BMPR1B: variants seen among roughly 807,000 people sequenced by gnomAD.
BMPR1B encodes the protein bone morphogenetic protein receptor type-1B.
Under a neutral mutation model 59.1 loss-of-function variants are expected in BMPR1B, and 12 were observed. The observed-to-expected ratio is 0.20, with a 90% CI of 0.13 to 0.33. The LOEUF (loss-of-function observed/expected upper bound fraction) is 0.33, where lower values mean the gene tolerates loss of function less well. Ranked by LOEUF, BMPR1B falls within the 10% of genes least tolerant of loss-of-function variation. The pLI, the probability that BMPR1B is intolerant of heterozygous loss-of-function variation, is 1.00. For synonymous variants in BMPR1B, 237 were observed against 207.3 expected (o/e 1.14, Z -1.23); for missense variants, 550 against 610.9 (o/e 0.90, Z 1.05).
chr4:94,762,482 A>T (rs1468852389), intron 1 of BMPR1B, among the ~76,000 whole-genome samples: 1 of 152,174 alleles, frequency 6.6e-6, no homozygotes, highest in Non-Finnish European at 1.5e-5. Context: ...TTCCTATCAG[A>T]GGACGCACTA....
intron 2 of BMPR1B, among the ~76,000 whole-genome samples, chr4:94,959,483 C>A (rs1730275029): frequency 6.6e-6 from 1 of 152,144 alleles, no homozygotes; most frequent in Non-Finnish European, 1.5e-5. Flanking sequence ...AGTCAGTAAG[C>A]ATTTTGCAGA....
intron 3 of BMPR1B, among the ~76,000 whole-genome samples, chr4:95,024,826 G>C (rs1198616261): frequency 1.3e-5 from 2 of 152,144 alleles, no homozygotes; most frequent in Non-Finnish European, 2.9e-5. Flanking sequence ...TAAAAGGCTG[G>C]GTACATTGGC....
chr4:94,926,450 A>G (rs1303863241), intron 2 of BMPR1B, among the ~76,000 whole-genome samples: 2 of 152,058 alleles, frequency 1.3e-5, no homozygotes, highest in Admixed American at 6.6e-5. Flanking sequence ...TAGATTTTAC[A>G]ATTTTTATTT....
At chr4:95,150,424 A>G (rs1734954450) in intron 11 of BMPR1B, among the ~76,000 whole-genome samples, 1 of 150,848 alleles carries the variant, frequency 6.6e-6, no homozygotes, top group Admixed American at 6.7e-5. Context: ...AGTCTGGGCA[A>G]TAGATTGGGA....
At chr4:94,893,184 G>T (rs1489961670) in intron 2 of BMPR1B, among the ~76,000 whole-genome samples, 3 of 151,926 alleles carry the variant, frequency 2.0e-5, no homozygotes, top group Non-Finnish European at 2.9e-5. Flanking sequence ...AACATGAAAA[G>T]ATTAAAAAAT....
intron 1 of BMPR1B, among the ~76,000 whole-genome samples, chr4:94,846,638 A>G (rs1451047578): frequency 6.6e-6 from 1 of 152,138 alleles, no homozygotes; most frequent in African/African-American, 2.4e-5. Flanking sequence ...CAGCCTGCAG[A>G]CAACCTATTG....
intron 4 of BMPR1B, among the ~76,000 whole-genome samples, chr4:95,109,296 T>C (rs542812367): frequency 1.3e-5 from 2 of 152,258 alleles, no homozygotes; most frequent in South Asian, 2.1e-4. Flanking sequence ...ACAAAGGATG[T>C]GCAAATGACA....
At chr4:94,999,078 G>A (rs1722266634) in intron 3 of BMPR1B, among the ~76,000 whole-genome samples, 1 of 152,060 alleles carries the variant, frequency 6.6e-6, no homozygotes, top group South Asian at 2.1e-4. Context: ...CTGTGACTTG[G>A]CCTCCTGTAT....
chr4:94,771,095 C>G (rs894455817), intron 1 of BMPR1B, among the ~76,000 whole-genome samples: 1 of 152,056 alleles, frequency 6.6e-6, no homozygotes, highest in East Asian at 1.9e-4. Flanking sequence ...GGTTGAAATG[C>G]AAGTACATAC....
chr4:94,932,830 G>C (rs1367307422), intron 2 of BMPR1B, among the ~76,000 whole-genome samples: 1 of 152,114 alleles, frequency 6.6e-6, no homozygotes, highest in East Asian at 1.9e-4. Flanking sequence ...GACTTGGCTA[G>C]GTCTGACGGT....
chr4:94,768,961 T>C (rs1578621734), intron 1 of BMPR1B, among the ~76,000 whole-genome samples: 1 of 152,204 alleles, frequency 6.6e-6, no homozygotes, highest in Admixed American at 6.5e-5. Flanking sequence ...TATACAAAAA[T>C]CTATAATTAT....
intron 8 of BMPR1B, among the ~76,000 whole-genome samples, chr4:95,125,369 T>G (rs1486763223): frequency 6.6e-6 from 1 of 152,198 alleles, no homozygotes; most frequent in Non-Finnish European, 1.5e-5. Context: ...AAGAGCAGAT[T>G]AGAAAACATT....
At chr4:95,000,959 G>C (rs1175001570) in intron 3 of BMPR1B, among the ~76,000 whole-genome samples, 1 of 152,166 alleles carries the variant, frequency 6.6e-6, no homozygotes, top group African/African-American at 2.4e-5. Context: ...AGTGGGACTT[G>C]AAAGCTTTTC....
At chr4:95,119,265 G>A (rs1240066269) in intron 6 of BMPR1B, among the ~76,000 whole-genome samples, 1 of 152,174 alleles carries the variant, frequency 6.6e-6, no homozygotes, top group Non-Finnish European at 1.5e-5. Context: ...TAAGTTTCCA[G>A]TCGCAGTCTT....
At chr4:94,772,609 G>C (rs914562024) in intron 1 of BMPR1B, among the ~76,000 whole-genome samples, 1 of 152,030 alleles carries the variant, frequency 6.6e-6, no homozygotes, top group African/African-American at 2.4e-5. Context: ...TATAAATATT[G>C]CAAAAATGTA....
intron 1 of BMPR1B, among the ~76,000 whole-genome samples, chr4:94,863,439 A>G (rs1302368777): frequency 6.6e-6 from 1 of 152,212 alleles, no homozygotes; most frequent in East Asian, 1.9e-4. Flanking sequence ...CACCAGAGGT[A>G]AAGTGGGACA....
At chr4:94,814,280 T>C (rs1313124473) in intron 1 of BMPR1B, among the ~76,000 whole-genome samples, 1 of 152,216 alleles carries the variant, frequency 6.6e-6, no homozygotes, top group Admixed American at 6.5e-5. Flanking sequence ...ATTCATAACT[T>C]GGAAAGGAAA....
chr4:94,919,502 C>T (rs373290410), intron 2 of BMPR1B, among the ~76,000 whole-genome samples: 3 of 152,096 alleles, frequency 2.0e-5, no homozygotes, highest in Admixed American at 6.6e-5. Flanking sequence ...AAAAACTGGA[C>T]GTTTTGACAG....
intron 1 of BMPR1B, among the ~76,000 whole-genome samples, chr4:94,804,198 T>C (rs1195853445): frequency 1.3e-5 from 2 of 152,188 alleles, no homozygotes; most frequent in African/African-American, 4.8e-5. Flanking sequence ...CATTTTATAA[T>C]ATATTACAAG....
Sources: gnomAD v4.1 joint callset for allele counts (sites outside exome capture counted in the v4.1 genomes callset) on GRCh38, gnomAD v4.1.1 for gene constraint, MANE v1.5 for transcripts, NCBI Gene and HGNC (gene_info 2026-07-23, HGNC 2026-07-21) for gene names.